The following PLCG2 variants were observed in gnomAD, a reference collection of about 807,000 sequenced individuals.
The protein encoded by PLCG2 is 1-phosphatidylinositol 4,5-bisphosphate phosphodiesterase gamma-2.
PLCG2 carries 69 observed loss-of-function variants against 175.6 expected under a neutral mutation model. That is an observed-to-expected ratio of 0.39 (90% CI 0.32 to 0.48). The LOEUF is 0.48. Ranked by LOEUF, PLCG2 falls within the 20% of genes least tolerant of loss-of-function variation. PLCG2 has a pLI of 0.91. For missense variants in PLCG2, 1,798 were observed against 1,650.9 expected (o/e 1.09, Z -1.54); for synonymous variants, 827 against 624.0 (o/e 1.33, Z -4.85).
chr16:81,931,371 C>G, intron 24 of PLCG2, 126 bp from the exon 25 acceptor site: 1 of 787,534 alleles, frequency 1.3e-6, no homozygotes, highest in East Asian at 2.5e-5. Flanking sequence ...ACGTCCCCAT[C>G]AGTGCTAACC....
chr16:81,862,124 A>T (rs1597360207), intron 5 of PLCG2, among the ~76,000 whole-genome samples: 1 of 152,332 alleles, frequency 6.6e-6, no homozygotes, highest in East Asian at 1.9e-4. Context: ...CTGTCCTGCC[A>T]ATTTCCCTCC....
intron 5 of PLCG2, among the ~76,000 whole-genome samples, chr16:81,864,448 C>T (rs1907131025): frequency 6.6e-6 from 1 of 152,338 alleles, no homozygotes; most frequent in South Asian, 2.1e-4. Context: ...CAGATGTCTC[C>T]ATCATTGTTG....
In PLCG2 at chr16:81,891,576, C is replaced by T. The variant is rs1908637257; in HGVS notation, c.972C>T (p.Ser324=). 3 of 1,583,520 alleles carry T rather than the reference C, an allele frequency of 1.9e-6. No homozygotes were observed. Among genetic ancestry groups the T allele is most frequent in the East Asian group, 2.2e-5 (1 of 44,748 alleles). The change falls in exon 11 of 33, where the codon TCC becomes TCT. Residue 324 remains serine, a synonymous_variant. Coordinates refer to ENST00000564138, the MANE Select transcript of PLCG2 (RefSeq NM_002661.5). ...MNNPLSHYWI[S]SSHNTYLTGD... ...ACCCCCTGTCTCATTACTGGATCTC[C>T]TCGTCACATAACACGTGAGTTTCAG...
chr16:81,851,036 C>A (rs548865192), intron 2 of PLCG2, among the ~76,000 whole-genome samples: 1 of 152,284 alleles, frequency 6.6e-6, no homozygotes, highest in African/African-American at 2.4e-5. Flanking sequence ...TAGTAGAAGT[C>A]CTCAGTGGGG....
At chr16:81,919,460 A>C in intron 19 of PLCG2, 24 bp from the exon 20 acceptor site, 3 of 1,600,824 alleles carry the variant, frequency 1.9e-6, no homozygotes, top group East Asian at 4.5e-5. Context: ...TTGGCATGTC[A>C]ACCCTGTGTT....
At chr16:81,921,639 T>C in intron 21 of PLCG2, 1 of 331,354 alleles carries the variant, frequency 3.0e-6, no homozygotes, top group Admixed American at 4.3e-5. Context: ...TGCTATCTCA[T>C]ATTCCCACCC....
intron 2 of PLCG2, among the ~76,000 whole-genome samples, chr16:81,834,735 A>C (rs1171047631): frequency 1.3e-5 from 2 of 152,304 alleles, no homozygotes; most frequent in East Asian, 3.9e-4. Flanking sequence ...GGACCAAGGC[A>C]TGGCTGCCCT....
chr16:81,932,749 G>A (rs1293432826), intron 25 of PLCG2, among the ~76,000 whole-genome samples: 1 of 152,190 alleles, frequency 6.6e-6, no homozygotes, highest in Non-Finnish European at 1.5e-5. Flanking sequence ...TGCCCTCGCT[G>A]GTGGGGCATC....
intron 29 of PLCG2, among the ~76,000 whole-genome samples, chr16:81,939,331 G>T (rs551341580): frequency 5.9e-5 from 9 of 152,198 alleles, no homozygotes; most frequent in Admixed American, 1.3e-4. Flanking sequence ...AGGGACAAGA[G>T]GAATGCTTGC....
chr16:81,778,413 T>G (rs115481801), upstream of PLCG2, among the ~76,000 whole-genome samples: 1 of 152,110 alleles, frequency 6.6e-6, no homozygotes, highest in African/African-American at 2.4e-5. Flanking sequence ...GAAGTGAAAT[T>G]CAAGTGCCTG....
chr16:81,790,245 T>A (rs1911171143), intron 2 of PLCG2, among the ~76,000 whole-genome samples: 1 of 152,216 alleles, frequency 6.6e-6, no homozygotes, highest in African/African-American at 2.4e-5. Flanking sequence ...GAGTCCAGCC[T>A]ATGTAGTCTT....
chr16:81,775,091 CCATGCAACT>C (rs1910370013), upstream of PLCG2, among the ~76,000 whole-genome samples: 2 of 152,090 alleles, frequency 1.3e-5, no homozygotes, highest in Non-Finnish European at 2.9e-5. Flanking sequence ...AATTCACATC[CCATGCAACT>C]CATGCATGTA....
intron 2 of PLCG2, among the ~76,000 whole-genome samples, chr16:81,841,127 C>T (rs549106713): frequency 1.3e-5 from 2 of 152,356 alleles, no homozygotes; most frequent in African/African-American, 4.8e-5. Context: ...GCAGTGGCAA[C>T]AACTCTGTTG....
chr16:81,953,628 C>G (rs1053078057), intron 31 of PLCG2, among the ~76,000 whole-genome samples: 57 of 152,250 alleles, frequency 3.7e-4, no homozygotes, highest in African/African-American at 1.2e-3. Flanking sequence ...AACTCAGACT[C>G]AAAAGAAATC....
At chr16:81,746,350 G>A (rs1049889664) in intron 1 of PLCG2, among the ~76,000 whole-genome samples, 2 of 152,194 alleles carry the variant, frequency 1.3e-5, no homozygotes, top group Non-Finnish European at 2.9e-5. Context: ...CCAACTCCCA[G>A]AAAACATCTG....
intron 20 of PLCG2, among the ~76,000 whole-genome samples, chr16:81,920,320 C>A (rs181359761): frequency 1.7e-3 from 261 of 152,210 alleles, no homozygotes; most frequent in African/African-American, 5.9e-3. Context: ...TATGGCATCC[C>A]GATCATGTGC....
At chr16:81,909,446 C>G (rs1001938546) in intron 17 of PLCG2, among the ~76,000 whole-genome samples, 2 of 152,202 alleles carry the variant, frequency 1.3e-5, no homozygotes, top group African/African-American at 4.8e-5. Flanking sequence ...GTGATAGGGT[C>G]TTGCTCTGTT....
chr16:81,928,614 C>G lies in PLCG2; in HGVS notation c.2571C>G (p.Thr857=), dbSNP rs377749396. ...SLCRGILDLN[T]YNVVKAPQGK... ...GCAGAGGAATATTGGACCTCAATAC[C>G]TATAACGTCGGTACGTGCACACATC... is the stretch of plus-strand genomic sequence containing the variant. Residue 857 remains threonine (T), a synonymous_variant, in exon 24 of 33, where the codon ACC becomes ACG. Coordinates refer to ENST00000564138, the MANE Select transcript of PLCG2 (RefSeq NM_002661.5). 3.7e-6 allele frequency: 6 copies of G among 1,603,396 alleles called. No homozygotes were observed. In the African/African-American group the frequency reaches 4.0e-5, roughly 11 times the overall value.
intron 2 of PLCG2, among the ~76,000 whole-genome samples, chr16:81,789,239 A>G (rs1372802598): frequency 2.0e-5 from 3 of 152,230 alleles, no homozygotes; most frequent in African/African-American, 7.2e-5. Flanking sequence ...ATGCCCTGTC[A>G]TTCTCCCCTT....
Sources: allele counts gnomAD v4.1 joint callset (sites outside exome capture counted in the v4.1 genomes callset), GRCh38; gene constraint gnomAD v4.1.1; transcripts MANE v1.5; gene names NCBI Gene and HGNC (gene_info 2026-07-23, HGNC 2026-07-21).